HIBADH: variants seen among roughly 807,000 people sequenced by gnomAD.
HIBADH encodes the protein 3-hydroxyisobutyrate dehydrogenase.
A neutral mutation model predicts 36.1 loss-of-function variants in HIBADH; 25 were observed. The observed-to-expected ratio is 0.69, with a 90% CI of 0.50 to 0.97. The LOEUF is 0.97. Among genes scored for constraint, HIBADH ranks in the 50% least tolerant of loss-of-function variants. The probability of loss-of-function intolerance (pLI) is 0.00; values close to 1 mark genes in which losing one functional copy is unlikely to be tolerated. For synonymous variants in HIBADH, 160 were observed against 149.5 expected (o/e 1.07, Z -0.51); for missense variants, 421 against 418.0 (o/e 1.01, Z -0.06).
chr7:27,598,461 A>T (rs1292526995), intron 4 of HIBADH, among the ~76,000 whole-genome samples: 15 of 152,204 alleles, frequency 9.9e-5, no homozygotes, highest in African/African-American at 3.6e-4. Context: ...TAAAGAAGGA[A>T]TAAGAATCAC....
Position 27,632,332 on chromosome 7 carries a change from A to C in HIBADH, c.362+4T>G, listed in dbSNP as rs1226493988. 2 of 1,552,046 alleles carry C rather than the reference A, an allele frequency of 1.3e-6. No individual in the cohort carries two copies. Among genetic ancestry groups the C allele is most frequent in the Non-Finnish European group, 1.8e-6 (2 of 1,124,084 alleles). The stretch of plus-strand genomic sequence containing the variant: ...GAAAATATCCACAGGTGAGAAATAC[A>C]TACTTTAGAATCCCATTTGCTCCGG... On this transcript the variant is annotated splice_donor_region_variant and intron_variant, in intron 3 of 7. Transcript: ENST00000265395.
At chr7:27,590,901 C>T (rs1435379751) in intron 4 of HIBADH, among the ~76,000 whole-genome samples, 2 of 152,134 alleles carry the variant, frequency 1.3e-5, no homozygotes, top group Admixed American at 6.5e-5. Context: ...GGACTCTGTT[C>T]GCTTCAATCC....
intron 4 of HIBADH, among the ~76,000 whole-genome samples, chr7:27,544,496 C>A (rs1784205481): frequency 6.6e-6 from 1 of 152,162 alleles, no homozygotes; most frequent in South Asian, 2.1e-4. Context: ...ATTAGCCAAT[C>A]TATGTCATTC....
At chr7:27,630,582 T>C (rs1263378926) in intron 3 of HIBADH, among the ~76,000 whole-genome samples, 1 of 151,898 alleles carries the variant, frequency 6.6e-6, no homozygotes, top group Non-Finnish European at 1.5e-5. Flanking sequence ...GAAAAATCTT[T>C]CTATTAAAAA....
intron 2 of HIBADH, among the ~76,000 whole-genome samples, chr7:27,641,939 G>A (rs1448434163): frequency 1.4e-5 from 1 of 69,006 alleles, no homozygotes; most frequent in Admixed American, 1.4e-4. Flanking sequence ...AGAGATGTGA[G>A]GAAGAGAGGC....
intron 1 of HIBADH, among the ~76,000 whole-genome samples, chr7:27,661,893 C>T (rs1373974755): frequency 6.6e-6 from 1 of 152,124 alleles, no homozygotes; most frequent in Non-Finnish European, 1.5e-5. Flanking sequence ...TATCCTGATT[C>T]ACTCATCCAA....
intron 2 of HIBADH, among the ~76,000 whole-genome samples, chr7:27,648,552 T>G (rs1439501202): frequency 6.6e-6 from 1 of 152,200 alleles, no homozygotes. Context: ...TCTCACCTTT[T>G]TCTCAGGAAT....
At chr7:27,566,366 G>T (rs1245113152) in intron 4 of HIBADH, among the ~76,000 whole-genome samples, 1 of 151,288 alleles carries the variant, frequency 6.6e-6, no homozygotes, top group Non-Finnish European at 1.5e-5. Flanking sequence ...TTAGTAGTTT[G>T]TGGCTCTCAA....
intron 2 of HIBADH, chr7:27,647,904 C>T (rs988774073): frequency 5.8e-6 from 1 of 171,098 alleles, no homozygotes; most frequent in African/African-American, 2.4e-5. Context: ...CGTAAAAGGT[C>T]ACAAGCTTCT....
At position 27,543,066 on chromosome 7, in the gene HIBADH, A is replaced by G. The variant is rs764414539; in HGVS notation, c.519T>C (p.Phe173=). ...VGAARSGNLT[F]MVGGVEDEFA... is the part of the protein sequence containing the mutation. ...ATTCATCTTCAACTCCTCCCACCAT[A>G]AACGTGAGGTTCCCAGATCGTGCAG... is the stretch of plus-strand genomic sequence containing the variant. The change falls in exon 5 of 8, where the codon TTT becomes TTC. Residue 173 remains phenylalanine, a synonymous_variant. Coordinates refer to ENST00000265395, the MANE Select transcript of HIBADH (RefSeq NM_152740.4). The G allele has an allele frequency of 2.5e-6, 4 of 1,613,718 alleles. 1 individual carries two copies. The South Asian group carries it at 4.4e-5, about 18-fold the overall frequency.
At position 27,548,650 on chromosome 7, in the gene HIBADH, G is replaced by A. The variant is rs116859780; in HGVS notation, c.485-5550C>T. On this transcript the variant is annotated intron_variant, in intron 4 of 7. Coordinates refer to ENST00000265395, the MANE Select transcript of HIBADH (RefSeq NM_152740.4). ...TTTCTGTTATATTCAGAAACTACTTGAAATATGACCATCACAGACAGTCCA... is the reference window on the plus strand; with the variant it reads ...TTTCTGTTATATTCAGAAACTACTTAAAATATGACCATCACAGACAGTCCA... Among the ~76,000 whole-genome samples the A allele has an allele frequency of 8.6e-3, 1,302 of 152,196 alleles. 7 individuals are homozygous for A. The highest frequency in any genetic ancestry group is 0.014 in the Non-Finnish European group (933 of 67,992).
chr7:27,657,716 G>A (rs571727435), intron 1 of HIBADH, among the ~76,000 whole-genome samples: 1 of 152,110 alleles, frequency 6.6e-6, no homozygotes, highest in South Asian at 2.1e-4. Context: ...AAGAGAATAA[G>A]TTATCTATTG....
At chr7:27,612,950 A>G (rs1312822423) in intron 4 of HIBADH, among the ~76,000 whole-genome samples, 2 of 137,304 alleles carry the variant, frequency 1.5e-5, no homozygotes, top group African/African-American at 5.7e-5. Context: ...CCAAAAAAAT[A>G]TATATATATT....
chr7:27,590,680 A>T (rs576579267), intron 4 of HIBADH, among the ~76,000 whole-genome samples: 1 of 152,318 alleles, frequency 6.6e-6, no homozygotes, highest in East Asian at 1.9e-4. Context: ...GCTGTAAAGC[A>T]TTCTGAAGGT....
intron 1 of HIBADH, among the ~76,000 whole-genome samples, chr7:27,656,627 A>AACAT (rs1320331768): frequency 6.6e-6 from 1 of 152,182 alleles, no homozygotes; most frequent in South Asian, 2.1e-4. Flanking sequence ...ATACACACGA[A>AACAT]ACAGTACTTA....
chr7:27,597,042 G>T (rs1396555187), intron 4 of HIBADH, among the ~76,000 whole-genome samples: 1 of 151,706 alleles, frequency 6.6e-6, no homozygotes, highest in Non-Finnish European at 1.5e-5. Context: ...GGAAAAAGTA[G>T]ATGTAGAGAG....
At chr7:27,535,807 C>A (rs1016210337) in intron 6 of HIBADH, among the ~76,000 whole-genome samples, 4 of 151,616 alleles carry the variant, frequency 2.6e-5, no homozygotes, top group Non-Finnish European at 5.9e-5. Flanking sequence ...TAAAGACTCA[C>A]TGTAAAAGAG....
chr7:27,567,986 T>C lies in HIBADH; in HGVS notation c.485-24886A>G, dbSNP rs1033882114. On this transcript the variant is annotated intron_variant, in intron 4 of 7. Transcript: ENST00000265395. ...GAAAATGCACATTCAACTTACAATATTTTCAACTTATGCAGGAGTTACTGG... is the reference window on the plus strand; with the variant it reads ...GAAAATGCACATTCAACTTACAATACTTTCAACTTATGCAGGAGTTACTGG... Among the ~76,000 whole-genome samples the C allele has an allele frequency of 2.6e-5, 4 of 152,194 alleles. No homozygotes were observed. In the East Asian group the frequency reaches 5.8e-4, roughly 22 times the overall value.
At chr7:27,616,546 C>T (rs1785432338) in intron 4 of HIBADH, among the ~76,000 whole-genome samples, 2 of 152,150 alleles carry the variant, frequency 1.3e-5, no homozygotes, top group Non-Finnish European at 2.9e-5. Context: ...ACTGCACCCT[C>T]AATCTTCCAG....
Sources: allele counts gnomAD v4.1 joint callset (sites outside exome capture counted in the v4.1 genomes callset), GRCh38; gene constraint gnomAD v4.1.1; transcripts MANE v1.5; gene names NCBI Gene and HGNC (gene_info 2026-07-23, HGNC 2026-07-21).